Variants in SPATA13 observed in about 807,000 individuals in gnomAD.
The protein encoded by SPATA13 is spermatogenesis associated 13.
Under a neutral mutation model 104.0 loss-of-function variants are expected in SPATA13, and 50 were observed. The observed-to-expected ratio is 0.48, with a 90% CI of 0.38 to 0.61. The LOEUF is 0.61. SPATA13 is among the 20% of genes least tolerant of loss of function. The probability of loss-of-function intolerance (pLI) is 0.00; values close to 1 mark genes in which losing one functional copy is unlikely to be tolerated. For missense variants in SPATA13, 1,524 were observed against 1,690.6 expected, an observed-to-expected ratio of 0.90 and a Z score of 1.73; for synonymous variants, 606 against 667.5, an observed-to-expected ratio of 0.91 and a Z score of 1.42.
chr13:24,078,677 C>T (rs553619473), intron 3 of SPATA13, among the ~76,000 whole-genome samples: 2 of 152,320 alleles, frequency 1.3e-5, no homozygotes, highest in African/African-American at 2.4e-5. Context: ...AAGCAGTTGT[C>T]GCCCTAGTCC....
chr13:24,010,087 G>T (rs764836756), intron 2 of SPATA13, among the ~76,000 whole-genome samples: 19 of 152,192 alleles, frequency 1.2e-4, no homozygotes, highest in Admixed American at 3.3e-4. Context: ...TGTCCTGAAA[G>T]GTGGGACCAC....
intron 3 of SPATA13, among the ~76,000 whole-genome samples, chr13:24,105,444 C>CTTT (rs764465032): frequency 7.0e-6 from 1 of 143,110 alleles, no homozygotes; most frequent in South Asian, 2.2e-4. Context: ...TGACTTCTTA[C>CTTT]TTTTTTTTTT....
chr13:24,160,410 T>C (rs1882418993), upstream of SPATA13, among the ~76,000 whole-genome samples: 1 of 152,080 alleles, frequency 6.6e-6, no homozygotes, highest in Admixed American at 6.5e-5. Context: ...CACGCCCGGT[T>C]AATTTTTATT....
intron 3 of SPATA13, among the ~76,000 whole-genome samples, chr13:24,068,958 TG>T (rs1230179121): frequency 6.6e-6 from 1 of 152,176 alleles, no homozygotes; most frequent in Non-Finnish European, 1.5e-5. Flanking sequence ...TTCCGTAGGT[TG>T]TTTGTTCACT....
chr13:24,234,736 T>G (rs192210988), intron 2 of SPATA13, among the ~76,000 whole-genome samples: 241 of 152,182 alleles, frequency 1.6e-3, no homozygotes, highest in Non-Finnish European at 2.8e-3. Flanking sequence ...CCCTGTGGAT[T>G]GGAGAGGATA....
chr13:24,277,337 G>C (rs1250780330), intron 4 of SPATA13, among the ~76,000 whole-genome samples: 1 of 151,572 alleles, frequency 6.6e-6, no homozygotes, highest in Non-Finnish European at 1.5e-5. Flanking sequence ...CCAGCTACTC[G>C]GGAGGCTGAG....
chr13:24,242,860 G>A (rs2138647485), intron 2 of SPATA13, among the ~76,000 whole-genome samples: 1 of 152,234 alleles, frequency 6.6e-6, no homozygotes, highest in East Asian at 1.9e-4. Context: ...TAAAATCCTA[G>A]GACAGATAGT....
intron 7 of SPATA13, among the ~76,000 whole-genome samples, chr13:24,288,193 C>G (rs1417208188): frequency 6.6e-6 from 1 of 152,176 alleles, no homozygotes; most frequent in East Asian, 1.9e-4. Flanking sequence ...TCCTGTTAGC[C>G]CCCATTGCAG....
At position 24,070,903 on chromosome 13, in the gene SPATA13, T is replaced by A. The variant is rs192392313; in HGVS notation, c.-112+53202T>A. On this transcript the variant is annotated intron_variant, in intron 3 of 14. Coordinates refer to the SPATA13 transcript ENST00000424834. ...TTCAGACTGGAACTATGTCCTCAGC[T>A]CTCCCAGGTTTCCAGGCTGCCAACT... Among the ~76,000 whole-genome samples the A allele has an allele frequency of 2.8e-3, 426 of 152,242 alleles. 2 individuals are homozygous for A. The highest frequency in any genetic ancestry group is 4.6e-3 in the Admixed American group (70 of 15,286).
At chr13:24,095,344 T>C (rs930971347) in intron 3 of SPATA13, among the ~76,000 whole-genome samples, 9 of 152,192 alleles carry the variant, frequency 5.9e-5, no homozygotes, top group East Asian at 1.9e-4. Context: ...ATTCCACTTA[T>C]ATGAAGTACT....
chr13:24,189,892 T>TTATATATA lies in SPATA13; in HGVS notation c.-112+28960_-112+28961insTATATATA, dbSNP rs1566140761. Among the ~76,000 whole-genome samples, 24 of 24,242 alleles carry TTATATATA rather than the reference T, an allele frequency of 9.9e-4. 4 individuals are homozygous for TTATATATA. Among genetic ancestry groups the TTATATATA allele is most frequent in the Non-Finnish European group, 1.2e-3 (10 of 8,334 alleles). 15.9% of individuals were successfully genotyped at this position (24,242 alleles called of 152,430 possible). ...TAATATAATTATATATCATAATATA[T>TTATATATA]ATTATATAATTATATTACATAATAT... On this transcript the variant is annotated intron_variant, in intron 1 of 12. Coordinates refer to ENST00000382108, the MANE Select transcript of SPATA13 (RefSeq NM_001166271.3).
intron 4 of SPATA13, among the ~76,000 whole-genome samples, chr13:24,268,566 C>T (rs1026016575): frequency 2.2e-4 from 33 of 152,088 alleles, no homozygotes; most frequent in African/African-American, 7.7e-4. Flanking sequence ...TGAGACCAGC[C>T]TGACCAACAT....
At chr13:24,030,067 C>T (rs1345779507) in intron 3 of SPATA13, among the ~76,000 whole-genome samples, 9 of 80,492 alleles carry the variant, frequency 1.1e-4, no homozygotes, top group Admixed American at 8.5e-4. Context: ...CACACACACG[C>T]ACACACACAC....
intron 3 of SPATA13, among the ~76,000 whole-genome samples, chr13:24,019,634 TTTATAA>T (rs1172042623): frequency 6.6e-6 from 1 of 152,192 alleles, no homozygotes; most frequent in African/African-American, 2.4e-5. Context: ...TTGTGTGTAC[TTTATAA>T]TTAGAATAAA....
intron 11 of SPATA13, 56 bp from the exon 12 acceptor site, chr13:24,300,345 G>T (rs1314970405): frequency 1.4e-6 from 2 of 1,419,818 alleles, no homozygotes; most frequent in Non-Finnish European, 2.0e-6. Context: ...TACAAGTTTT[G>T]CTCTGAAACA....
At chr13:24,015,969 C>T (rs966876065) in intron 2 of SPATA13, among the ~76,000 whole-genome samples, 1 of 152,176 alleles carries the variant, frequency 6.6e-6, no homozygotes, top group Non-Finnish European at 1.5e-5. Flanking sequence ...CCTCGGATGT[C>T]GCGGCTCCTT....
intron 2 of SPATA13, among the ~76,000 whole-genome samples, chr13:24,235,122 C>G (rs1872505409): frequency 3.3e-5 from 5 of 152,164 alleles, no homozygotes; most frequent in Admixed American, 3.3e-4. Flanking sequence ...TCAAACATTT[C>G]AGTACAGACC....
chr13:24,086,786 G>C (rs1879738588), intron 3 of SPATA13, among the ~76,000 whole-genome samples: 3 of 152,148 alleles, frequency 2.0e-5, no homozygotes, highest in African/African-American at 7.2e-5. Flanking sequence ...CCAGGAGGGA[G>C]AGGGGTGGGA....
intron 3 of SPATA13, among the ~76,000 whole-genome samples, chr13:24,103,592 G>A (rs980870950): frequency 2.6e-5 from 4 of 151,536 alleles, no homozygotes; most frequent in East Asian, 3.9e-4. Context: ...GCCTGCCAGA[G>A]CACCAAAATG....
Sources: gnomAD v4.1 joint callset for allele counts (sites outside exome capture counted in the v4.1 genomes callset) on GRCh38, gnomAD v4.1.1 for gene constraint, MANE v1.5 for transcripts, NCBI Gene and HGNC (gene_info 2026-07-23, HGNC 2026-07-21) for gene names.